The following PEBP4 variants were observed in gnomAD, a reference collection of about 807,000 sequenced individuals.
PEBP4 encodes phosphatidylethanolamine-binding protein 4.
Under a neutral mutation model 23.9 loss-of-function variants are expected in PEBP4, and 22 were observed. The observed-to-expected ratio is 0.92, with a 90% CI of 0.66 to 1.31. The LOEUF is 1.31. Ranked by LOEUF, PEBP4 falls within the 40% of genes most tolerant of loss-of-function variation. PEBP4 has a pLI of 0.00. For synonymous variants in PEBP4, 112 were observed against 99.3 expected (o/e 1.13, Z -0.76); for missense variants, 324 against 281.7 (o/e 1.15, Z -1.07).
rs944393057 is a variant in PEBP4, at chr8:22,786,968, G to C, written c.357+30669C>G. Reference sequence around the variant, plus strand: ...CCTGAGTAGGTGGGACCACAGGTGTGTATCACCATTCCTGGCTTATTAAAA... The same window carrying C: ...CCTGAGTAGGTGGGACCACAGGTGTCTATCACCATTCCTGGCTTATTAAAA... On this transcript the variant is annotated intron_variant, in intron 4 of 6. Transcript: ENST00000256404. 3.9e-5 allele frequency among the ~76,000 whole-genome samples: 6 copies of C among 152,158 alleles called. No individual in the cohort carries two copies. In the East Asian group the frequency reaches 1.2e-3, roughly 29 times the overall value.
intron 3 of PEBP4, among the ~76,000 whole-genome samples, chr8:22,819,028 C>T (rs1002925648): frequency 3.9e-5 from 6 of 152,016 alleles, no homozygotes; most frequent in African/African-American, 1.5e-4. Flanking sequence ...TTTGAAATGC[C>T]CCTCAGAATA....
chr8:22,830,113 TTGTGTGTGTG>T (rs3060706), intron 3 of PEBP4, among the ~76,000 whole-genome samples: 12 of 144,156 alleles, frequency 8.3e-5, no homozygotes, highest in Non-Finnish European at 1.5e-4. Context: ...GGCTGTGGTT[TTGTGTGTGTG>T]TGTGTGTGTG....
chr8:22,825,264 G>A (rs1400080640), intron 3 of PEBP4, among the ~76,000 whole-genome samples: 2 of 152,234 alleles, frequency 1.3e-5, no homozygotes, highest in Non-Finnish European at 2.9e-5. Context: ...ACCCACTTCT[G>A]TAGGTCCATG....
chr8:22,931,101 C>G (rs1809449207), upstream of PEBP4, among the ~76,000 whole-genome samples: 1 of 152,194 alleles, frequency 6.6e-6, no homozygotes, highest in Non-Finnish European at 1.5e-5. Context: ...GGCCTCACTT[C>G]ATTTCTCTAC....
intron 3 of PEBP4, among the ~76,000 whole-genome samples, chr8:22,841,364 G>A (rs1407315174): frequency 1.3e-5 from 2 of 152,242 alleles, no homozygotes; most frequent in African/African-American, 4.8e-5. Context: ...AAAGGAAATT[G>A]TATTTAGTTT....
chr8:22,877,820 C>T (rs193151169), intron 3 of PEBP4, among the ~76,000 whole-genome samples: 2 of 152,294 alleles, frequency 1.3e-5, no homozygotes, highest in South Asian at 2.1e-4. Flanking sequence ...CAGTGTGGGA[C>T]GCAGGGAGTC....
In PEBP4 at chr8:22,713,304, G is replaced by C; in HGVS notation, c.*66C>G. Reference sequence around the variant, plus strand: ...AAGAAGGGGTTCTGTATCCAGAGGGGGTTCCATACCCACATCGTCGGTGGT... The same window carrying C: ...AAGAAGGGGTTCTGTATCCAGAGGGCGTTCCATACCCACATCGTCGGTGGT... On this transcript the variant is annotated 3_prime_UTR_variant, in exon 7 of 7. Transcript: ENST00000256404. 1.3e-6 allele frequency: 2 copies of C among 1,506,928 alleles called. No homozygotes were observed. The highest frequency in any genetic ancestry group is 2.7e-5 in the South Asian group (2 of 74,134). 93.3% of individuals were successfully genotyped at this position (1,506,928 alleles called of 1,614,324 possible). A position where few individuals can be genotyped will look rare whatever the true frequency, so the allele number is the denominator to read the frequency against.
intron 3 of PEBP4, among the ~76,000 whole-genome samples, chr8:22,838,739 T>C (rs1442363256): frequency 7.2e-5 from 11 of 152,268 alleles, no homozygotes; most frequent in Admixed American, 6.5e-4. Flanking sequence ...CCCTCTGCTC[T>C]CGGCCTAAGC....
chr8:22,862,798 CCT>C (rs1491101529), intron 3 of PEBP4, among the ~76,000 whole-genome samples: 1 of 121,662 alleles, frequency 8.2e-6, no homozygotes, highest in Non-Finnish European at 1.7e-5. Context: ...ACCCTCATAA[CCT>C]TTTTTTTTTT....
At chr8:22,937,370 T>C (rs1396211189) in intron 1 of PEBP4, among the ~76,000 whole-genome samples, 1 of 152,132 alleles carries the variant, frequency 6.6e-6, no homozygotes, top group African/African-American at 2.4e-5. Context: ...AAACTAGGAA[T>C]AAACTTAACC....
intron 4 of PEBP4, among the ~76,000 whole-genome samples, chr8:22,730,175 T>C (rs1271133634): frequency 6.6e-6 from 1 of 152,138 alleles, no homozygotes; most frequent in Admixed American, 6.5e-5. Context: ...AATACGGAGA[T>C]ATTATCTGGA....
At chr8:22,798,100 G>A (rs1451783874) in intron 4 of PEBP4, among the ~76,000 whole-genome samples, 1 of 152,164 alleles carries the variant, frequency 6.6e-6, no homozygotes, top group Non-Finnish European at 1.5e-5. Flanking sequence ...TCATCAGGAA[G>A]GCATCCCGAA....
rs142852155 is a variant in PEBP4 at position 22,845,813 on chromosome 8, A to G, written c.259-28078T>C. ...TATTGGTTTAGAAATCTGTCCTCTG[A>G]TCAGATCGCAGGCTCATCTGGACAA... On this transcript the variant is annotated intron_variant, in intron 3 of 6. Transcript: ENST00000256404. Among the ~76,000 whole-genome samples, 712 of 152,344 alleles carry G rather than the reference A, an allele frequency of 4.7e-3. 3 individuals carry two copies. The highest frequency in any genetic ancestry group is 7.5e-3 in the Non-Finnish European group (509 of 68,030).
chr8:22,796,152 G>T (rs1806255030), intron 4 of PEBP4, among the ~76,000 whole-genome samples: 1 of 152,106 alleles, frequency 6.6e-6, no homozygotes, highest in Admixed American at 6.5e-5. Flanking sequence ...GTCTAATGTT[G>T]GCAAATCCAA....
intron 3 of PEBP4, among the ~76,000 whole-genome samples, chr8:22,908,393 CAAAAA>C (rs11356446): frequency 7.1e-6 from 1 of 141,808 alleles, no homozygotes; most frequent in African/African-American, 2.7e-5. Flanking sequence ...AACAAACAAA[CAAAAA>C]AAAAAACCTG....
chr8:22,785,973 A>T (rs757404308), intron 4 of PEBP4, among the ~76,000 whole-genome samples: 3 of 152,156 alleles, frequency 2.0e-5, no homozygotes, highest in Non-Finnish European at 4.4e-5. Flanking sequence ...AGCTTTCTCG[A>T]ACGTCAAGTA....
rs536521849 is a variant in PEBP4, at chr8:22,913,637, A to G, written c.258+6547T>C. 2.6e-5 allele frequency among the ~76,000 whole-genome samples: 4 copies of G among 152,078 alleles called. No individual in the cohort carries two copies. The East Asian group carries it at 7.7e-4, about 29-fold the overall frequency. ...CCGGCACCTCCCACCCCTGACTTCC[A>G]GTCAGTGGCCAGGTCCCATTGGCTC... On this transcript the variant is annotated intron_variant, in intron 3 of 6. Coordinates refer to ENST00000256404, the MANE Select transcript of PEBP4 (RefSeq NM_144962.3).
At chr8:22,834,145 G>A (rs1013333391) in intron 3 of PEBP4, among the ~76,000 whole-genome samples, 4 of 152,180 alleles carry the variant, frequency 2.6e-5, no homozygotes, top group Non-Finnish European at 2.9e-5. Flanking sequence ...AACACAAGTC[G>A]CCCTGCGCTC....
intron 1 of PEBP4, among the ~76,000 whole-genome samples, chr8:22,934,649 C>T (rs1809509340): frequency 6.6e-6 from 1 of 152,106 alleles, no homozygotes; most frequent in East Asian, 1.9e-4. Flanking sequence ...CCAGCCTGGG[C>T]CACATAGTGA....
Sources: allele counts gnomAD v4.1 joint callset (sites outside exome capture counted in the v4.1 genomes callset), GRCh38; gene constraint gnomAD v4.1.1; transcripts MANE v1.5; gene names NCBI Gene and HGNC (gene_info 2026-07-23, HGNC 2026-07-21).